GBE1: variants seen among roughly 807,000 people sequenced by gnomAD.
GBE1 encodes the protein 1,4-alpha-glucan-branching enzyme.
In GBE1, 70 loss-of-function variants were observed where a neutral mutation model predicts 88.8. That is an observed-to-expected ratio of 0.79 (90% CI 0.65 to 0.96). GBE1 has a LOEUF of 0.96. Ranked by LOEUF, GBE1 falls within the 40% of genes least tolerant of loss-of-function variation. GBE1 has a pLI of 0.00. For missense variants in GBE1, 872 were observed against 871.0 expected (o/e 1.00, Z -0.01); for synonymous variants, 284 against 300.1 (o/e 0.95, Z 0.56).
intron 14 of GBE1, among the ~76,000 whole-genome samples, chr3:81,513,034 G>A (rs567859898): frequency 4.0e-5 from 6 of 151,606 alleles, no homozygotes; most frequent in Non-Finnish European, 5.9e-5. Context: ...ATTCCATGCT[G>A]CCCAGTTTTG....
At chr3:81,614,227 C>T (rs1357211706) in intron 7 of GBE1, among the ~76,000 whole-genome samples, 2 of 152,156 alleles carry the variant, frequency 1.3e-5, no homozygotes, top group East Asian at 3.9e-4. Context: ...ACTAGGTCAA[C>T]AATTTTTAAA....
At chr3:81,760,058 G>C (rs1706657494) in intron 1 of GBE1, among the ~76,000 whole-genome samples, 1 of 152,000 alleles carries the variant, frequency 6.6e-6, no homozygotes, top group Non-Finnish European at 1.5e-5. Flanking sequence ...AACCTATGAC[G>C]ATTATGCACT....
In GBE1 at chr3:81,665,405, G is replaced by C. The variant is rs570386806; in HGVS notation, c.429+5433C>G. On this transcript the variant is annotated intron_variant, in intron 3 of 15. Transcript: ENST00000429644. ...AAAAAAATTAGCCGGGCGTGGTGGC[G>C]GGCGCCTGTAGTCCCAGCTGCTCGA... is the stretch of plus-strand genomic sequence containing the variant. 2.2e-3 allele frequency among the ~76,000 whole-genome samples: 338 copies of C among 151,890 alleles called. 1 individual carries two copies. The highest frequency in any genetic ancestry group is 3.7e-3 in the Non-Finnish European group (249 of 67,904).
At chr3:81,502,386 C>A (rs546528748) in intron 14 of GBE1, among the ~76,000 whole-genome samples, 1 of 152,202 alleles carries the variant, frequency 6.6e-6, no homozygotes, top group East Asian at 1.9e-4. Context: ...TTCAAAACAT[C>A]AATTTAGACA....
intron 12 of GBE1, among the ~76,000 whole-genome samples, chr3:81,576,754 AT>A (rs202054403): frequency 0.04 from 6,041 of 152,118 alleles, 403 homozygotes; most frequent in African/African-American, 0.14. Context: ...AAGGCTAGGG[AT>A]GTCAACAAAT....
chr3:81,535,196 T>C lies in GBE1; in HGVS notation c.1933A>G (p.Lys645Glu). ...ATTCACTGGTAACAAAAAGGATATTTCCCTGGCAATGCTGTTCCAACTCGG... is the reference window on the plus strand; with the variant it reads ...ATTCACTGGTAACAAAAAGGATATTCCCCTGGCAATGCTGTTCCAACTCGG... The part of the protein sequence containing the change: ...DYRVGTALPG[K>E]FKIVLDSDAA... The change falls in exon 14 of 16, where the codon AAA becomes GAA. Residue 645 changes from lysine (K) to glutamate (E), a missense_variant and splice_region_variant. Transcript: ENST00000429644. 6.2e-7 allele frequency: 1 copy of C among 1,609,794 alleles called. No homozygotes were observed.
At chr3:81,589,077 C>A (rs1222259052) in intron 9 of GBE1, among the ~76,000 whole-genome samples, 3 of 151,922 alleles carry the variant, frequency 2.0e-5, no homozygotes, top group East Asian at 1.9e-4. Flanking sequence ...AATAAACATA[C>A]TCTAAATATA....
In GBE1 at chr3:81,535,185, A is replaced by G. The variant is rs1168561608; in HGVS notation, c.1934+10T>C. Reference sequence around the variant, plus strand: ...TGGACAGTCATATTCACTGGTAACAAAAAGGATATTTCCCTGGCAATGCTG... The same window carrying G: ...TGGACAGTCATATTCACTGGTAACAGAAAGGATATTTCCCTGGCAATGCTG... On this transcript the variant is annotated intron_variant, in intron 14 of 15. Coordinates refer to ENST00000429644, the MANE Select transcript of GBE1 (RefSeq NM_000158.4). 6.2e-7 allele frequency: 1 copy of G among 1,607,864 alleles called. No homozygotes were observed.
intron 2 of GBE1, among the ~76,000 whole-genome samples, chr3:81,696,018 C>A (rs999203128): frequency 5.3e-5 from 8 of 151,994 alleles, no homozygotes; most frequent in African/African-American, 1.7e-4. Context: ...TACAAAGAAG[C>A]AAGTTTCCTT....
intron 7 of GBE1, among the ~76,000 whole-genome samples, chr3:81,630,482 G>A (rs566575521): frequency 3.9e-4 from 60 of 152,232 alleles, no homozygotes; most frequent in Non-Finnish European, 7.9e-4. Context: ...CAAAGCTGGA[G>A]GCATCACGCT....
chr3:81,696,108 G>T (rs1348056761), intron 2 of GBE1, among the ~76,000 whole-genome samples: 1 of 152,070 alleles, frequency 6.6e-6, no homozygotes, highest in East Asian at 1.9e-4. Context: ...TTCAACAGGG[G>T]TTGAAAATAT....
At chr3:81,673,068 C>T (rs1481143325) in intron 2 of GBE1, among the ~76,000 whole-genome samples, 1 of 151,864 alleles carries the variant, frequency 6.6e-6, no homozygotes, top group Non-Finnish European at 1.5e-5. Context: ...TGCTATACTC[C>T]TCTTCACCTA....
chr3:81,607,883 T>C (rs1445264839), intron 7 of GBE1, among the ~76,000 whole-genome samples: 2 of 152,198 alleles, frequency 1.3e-5, no homozygotes, highest in Non-Finnish European at 2.9e-5. Context: ...CATTTATTAC[T>C]TTTTTGTATT....
At position 81,564,437 on chromosome 3, in the gene GBE1, A is replaced by G. The variant is rs576967321; in HGVS notation, c.1618+13488T>C. On this transcript the variant is annotated intron_variant, in intron 12 of 15. Transcript: ENST00000429644. ...ACAAATATCCCAAAGGAAGAAATGT[A>G]GCAGTATTTCCGGGGCATCCTATCC... 2.6e-5 allele frequency among the ~76,000 whole-genome samples: 4 copies of G among 152,290 alleles called. No homozygotes were observed. In the South Asian group the frequency reaches 8.3e-4, roughly 32 times the overall value.
intron 14 of GBE1, 64 bp downstream of exon 14, chr3:81,535,131 T>G (rs1703057843): frequency 1.1e-5 from 14 of 1,269,392 alleles, no homozygotes; most frequent in Non-Finnish European, 1.5e-5. Flanking sequence ...TTTTTTTTTT[T>G]GTCCTATAAT....
intron 2 of GBE1, among the ~76,000 whole-genome samples, chr3:81,674,432 T>C (rs1489015443): frequency 6.6e-6 from 1 of 151,964 alleles, no homozygotes; most frequent in African/African-American, 2.4e-5. Flanking sequence ...AAGAAGGAAC[T>C]ATCATTAAGG....
In GBE1 at chr3:81,705,497, T is replaced by A. The variant is rs1705760769; in HGVS notation, c.260A>T (p.Tyr87Phe). Residue 87 changes from tyrosine to phenylalanine, a missense_variant, in exon 2 of 16, where the codon TAC (tyrosine) becomes TTC (phenylalanine). By Grantham distance (22) the Tyr-to-Phe change is conservative. Transcript: ENST00000429644. The stretch of plus-strand genomic sequence containing the variant: ...TGCTCCCGGGGCCCATTCTTTGCAG[T>A]ATAAACCACCATCAGCACATCTGTG... The part of the protein sequence containing the change: ...GVHRCADGGL[Y>F]CKEWAPGAEG... 1 of 1,604,188 alleles carries A rather than the reference T, an allele frequency of 6.2e-7. No homozygotes were observed.
chr3:81,509,699 A>G (rs892644908), intron 14 of GBE1: 8 of 151,836 alleles, frequency 5.3e-5, no homozygotes, highest in African/African-American at 1.7e-4. Flanking sequence ...TGTTTTTGCT[A>G]AACTTTGAGA....
intron 7 of GBE1, among the ~76,000 whole-genome samples, chr3:81,628,073 C>A (rs1281403909): frequency 6.6e-6 from 1 of 152,028 alleles, no homozygotes; most frequent in Non-Finnish European, 1.5e-5. Flanking sequence ...TTGCCCACTC[C>A]AAATTAGAGA....
Sources: gnomAD v4.1 joint callset for allele counts (sites outside exome capture counted in the v4.1 genomes callset) on GRCh38, gnomAD v4.1.1 for gene constraint, MANE v1.5 for transcripts, NCBI Gene and HGNC (gene_info 2026-07-23, HGNC 2026-07-21) for gene names.